The following NCALD variants were observed in gnomAD, a reference collection of about 807,000 sequenced individuals.
The protein encoded by NCALD is neurocalcin-delta.
A neutral mutation model predicts 18.6 loss-of-function variants in NCALD; 10 were observed. That is an observed-to-expected ratio of 0.54 (90% CI 0.33 to 0.91). The LOEUF (loss-of-function observed/expected upper bound fraction) is 0.91. Among genes scored for constraint, NCALD ranks in the 40% least tolerant of loss-of-function variants. The pLI is 0.03. For missense variants in NCALD, 184 were observed against 247.6 expected, an observed-to-expected ratio of 0.74 and a Z score of 1.72; for synonymous variants, 88 against 87.4, an observed-to-expected ratio of 1.01 and a Z score of -0.04.
intron 1 of NCALD, among the ~76,000 whole-genome samples, chr8:102,072,796 T>G (rs900800793): frequency 6.6e-6 from 1 of 152,248 alleles, no homozygotes; most frequent in East Asian, 1.9e-4. Context: ...GCATTAACCA[T>G]GGGACACCAT....
At chr8:101,771,163 A>G (rs1230198961) in intron 1 of NCALD, among the ~76,000 whole-genome samples, 1 of 152,238 alleles carries the variant, frequency 6.6e-6, no homozygotes, top group Non-Finnish European at 1.5e-5. Context: ...CCCACAAACA[A>G]TAACAAGATA....
intron 3 of NCALD, chr8:101,691,117 G>A (rs770863584): frequency 6.5e-5 from 64 of 985,190 alleles, no homozygotes; most frequent in Non-Finnish European, 7.2e-5. Context: ...GGCAGGGAGG[G>A]GTGCAGGTGT....
At chr8:101,899,886 A>C (rs1326573118) in intron 3 of NCALD, among the ~76,000 whole-genome samples, 1 of 151,898 alleles carries the variant, frequency 6.6e-6, no homozygotes, top group Non-Finnish European at 1.5e-5. Context: ...GCTTCATAAA[A>C]TGAATTGGGA....
intron 1 of NCALD, among the ~76,000 whole-genome samples, chr8:102,081,878 C>G (rs188235211): frequency 8.4e-4 from 128 of 152,284 alleles, no homozygotes; most frequent in South Asian, 1.7e-3. Flanking sequence ...CTAAAGGCAA[C>G]CATTTGGTTT....
At chr8:101,804,886 C>T (rs2155943) in intron 4 of NCALD, among the ~76,000 whole-genome samples, 122,075 of 151,100 alleles carry the variant, frequency 0.81, 49,478 homozygotes, top group African/African-American at 0.86. Context: ...ACCTGCAATA[C>T]CTCTGAGAAA....
chr8:101,929,271 TGGAGGGAGGGAG>T (rs1184689602), intron 2 of NCALD, among the ~76,000 whole-genome samples: 3 of 10,988 alleles, frequency 2.7e-4, no homozygotes, highest in East Asian at 2.5e-3. Context: ...GAGGAAGGGA[TGGAGGGAGGGAG>T]GGAGGGAGGG....
intron 4 of NCALD, among the ~76,000 whole-genome samples, chr8:101,844,359 C>CTTTTT (rs35559892): frequency 3.4e-5 from 5 of 145,134 alleles, no homozygotes; most frequent in African/African-American, 5.1e-5. Context: ...ACTCTAAATT[C>CTTTTT]TTTTTTTTTT....
chr8:102,082,136 TGTCA>T (rs1824560299), intron 1 of NCALD, among the ~76,000 whole-genome samples: 2 of 151,696 alleles, frequency 1.3e-5, no homozygotes, highest in African/African-American at 2.4e-5. Context: ...AATAAAAAGG[TGTCA>T]GTATTTGTCC....
chr8:102,026,049 C>G (rs544667405), intron 1 of NCALD, among the ~76,000 whole-genome samples: 1 of 152,122 alleles, frequency 6.6e-6, no homozygotes, highest in Non-Finnish European at 1.5e-5. Flanking sequence ...AACTCACTCA[C>G]TGAGGGTAAC....
chr8:102,071,239 C>T (rs1824170648), intron 1 of NCALD, among the ~76,000 whole-genome samples: 1 of 152,106 alleles, frequency 6.6e-6, no homozygotes, highest in Non-Finnish European at 1.5e-5. Context: ...CTTGAACACA[C>T]CTGTGGCAAT....
intron 2 of NCALD, among the ~76,000 whole-genome samples, chr8:101,945,145 A>G (rs965383077): frequency 2.0e-5 from 3 of 152,204 alleles, no homozygotes; most frequent in South Asian, 2.1e-4. Flanking sequence ...GAGCCTCAGT[A>G]ATGTATGCAA....
chr8:101,766,554 T>G (rs1350507958), intron 1 of NCALD, among the ~76,000 whole-genome samples: 1 of 152,116 alleles, frequency 6.6e-6, no homozygotes, highest in Non-Finnish European at 1.5e-5. Flanking sequence ...GACCATAACT[T>G]TCATCAGTTT....
At chr8:101,856,576 C>T (rs978885274) in intron 4 of NCALD, among the ~76,000 whole-genome samples, 6 of 152,068 alleles carry the variant, frequency 3.9e-5, no homozygotes, top group African/African-American at 1.2e-4. Context: ...AAGAAAACTG[C>T]TAGTCTAAGT....
intron 4 of NCALD, among the ~76,000 whole-genome samples, chr8:101,866,846 T>G (rs1815791550): frequency 6.6e-6 from 1 of 152,200 alleles, no homozygotes; most frequent in Non-Finnish European, 1.5e-5. Context: ...CTCTTCAGAA[T>G]GCGGCAGCCA....
At chr8:101,820,442 A>G (rs1265706836) in intron 4 of NCALD, among the ~76,000 whole-genome samples, 3 of 152,226 alleles carry the variant, frequency 2.0e-5, no homozygotes, top group African/African-American at 7.2e-5. Flanking sequence ...GAATCGATTA[A>G]TGAATGAATA....
intron 1 of NCALD, among the ~76,000 whole-genome samples, chr8:102,054,287 A>T (rs1823555000): frequency 6.6e-6 from 1 of 152,188 alleles, no homozygotes; most frequent in African/African-American, 2.4e-5. Flanking sequence ...GTCGAACGCC[A>T]GTCTAGATGT....
At position 101,688,869 on chromosome 8, in the gene NCALD, G is replaced by A. The variant is rs538256179; in HGVS notation, c.*440C>T. ...CTTGTTCTTGGGGAATCCAGCATCC[G>A]GTGCCATCCATCACCCCTACGGCAC... On this transcript the variant is annotated 3_prime_UTR_variant, in exon 4 of 4. Transcript: ENST00000220931. 1.6e-4 allele frequency: 102 copies of A among 623,750 alleles called. No homozygotes were observed. Among genetic ancestry groups the A allele is most frequent in the Admixed American group, 1.0e-3 (40 of 39,240 alleles). The allele number at this position is 623,750 out of a possible 1,614,324, so 38.6% of individuals were successfully genotyped here.
intron 2 of NCALD, among the ~76,000 whole-genome samples, chr8:101,946,903 A>G (rs1410662151): frequency 6.6e-6 from 1 of 151,972 alleles, no homozygotes; most frequent in Non-Finnish European, 1.5e-5. Context: ...CACCATAGAC[A>G]TCTCAACTGG....
In NCALD at chr8:101,936,523, T is replaced by C. The variant is rs928180203; in HGVS notation, c.-156-20665A>G. On this transcript the variant is annotated intron_variant, in intron 2 of 6. Transcript: ENST00000311028. ...AATATAGAAGGTAATAATCAGAAAG[T>C]AGAATGCTAGCAACAGATTATAGAA... 2.0e-5 allele frequency among the ~76,000 whole-genome samples: 3 copies of C among 152,134 alleles called. No individual in the cohort carries two copies. The East Asian group carries it at 5.8e-4, about 29-fold the overall frequency.
Sources: allele counts gnomAD v4.1 joint callset (sites outside exome capture counted in the v4.1 genomes callset), GRCh38; gene constraint gnomAD v4.1.1; transcripts MANE v1.5; gene names NCBI Gene and HGNC (gene_info 2026-07-23, HGNC 2026-07-21).